Variants in NLRP11 observed in about 807,000 individuals in gnomAD.
NLRP11 encodes the protein NACHT, LRR and PYD domains-containing protein 11.
In NLRP11, 53 loss-of-function variants were observed where a neutral mutation model predicts 79.3. The observed-to-expected ratio is 0.67, with a 90% CI of 0.54 to 0.84. NLRP11 has a LOEUF of 0.84. Among genes scored for constraint, NLRP11 ranks in the 40% least tolerant of loss-of-function variants. The probability of loss-of-function intolerance (pLI) is 0.00; values close to 1 mark genes in which losing one functional copy is unlikely to be tolerated. For missense variants in NLRP11, 1,264 were observed against 1,255.0 expected, an observed-to-expected ratio of 1.01 and a Z score of -0.11; for synonymous variants, 518 against 462.6, an observed-to-expected ratio of 1.12 and a Z score of -1.54.
intron 7 of NLRP11, among the ~76,000 whole-genome samples, chr19:55,790,810 A>T (rs7249986): frequency 2.0e-5 from 3 of 152,130 alleles, no homozygotes; most frequent in African/African-American, 7.2e-5. Flanking sequence ...ATATATAGAG[A>T]GTTAATGATG....
intron 6 of NLRP11, among the ~76,000 whole-genome samples, chr19:55,795,245 G>T (rs749603024): frequency 6.6e-6 from 1 of 152,026 alleles, no homozygotes; most frequent in African/African-American, 2.4e-5. Flanking sequence ...ACCCACAGTC[G>T]GTTACATACA....
intron 1 of NLRP11, among the ~76,000 whole-genome samples, chr19:55,822,420 C>A (rs112978523): frequency 6.6e-6 from 1 of 152,122 alleles, no homozygotes; most frequent in African/African-American, 2.4e-5. Context: ...CCAAGATGGC[C>A]GAATAGGAAC....
chr19:55,807,822 C>T, intron 4 of NLRP11, 31 bp downstream of exon 4: 2 of 1,492,690 alleles, frequency 1.3e-6, no homozygotes, highest in South Asian at 1.2e-5. Context: ...CCTAGGGGAA[C>T]CTCTAAGGCA....
At chr19:55,801,843 G>A in intron 4 of NLRP11, 104 bp from the exon 5 acceptor site, 2 of 899,526 alleles carry the variant, frequency 2.2e-6, no homozygotes, top group South Asian at 3.1e-5. Context: ...GATTCTCAGT[G>A]GATTACATCC....
In NLRP11 at chr19:55,817,903, C is replaced by T. The variant is rs372781070; in HGVS notation, c.271+1G>A. ...CCCACCCTTCTCGTGACCCCACTCACGGTTTCGTCTGCCAATGATCTTCCT... is the reference window on the plus strand; with the variant it reads ...CCCACCCTTCTCGTGACCCCACTCATGGTTTCGTCTGCCAATGATCTTCCT... On this transcript the variant is annotated splice_donor_variant, in intron 2 of 9. Transcript: ENST00000589093. LOFTEE classifies it high-confidence loss of function. The T allele has an allele frequency of 6.2e-6, 10 of 1,601,250 alleles. No homozygotes were observed. The highest frequency in any genetic ancestry group is 4.5e-5 in the East Asian group (2 of 44,510).
At chr19:55,834,188 T>A (rs1390543313), upstream of NLRP11, among the ~76,000 whole-genome samples, 2 of 152,146 alleles carry the variant, frequency 1.3e-5, no homozygotes, top group Non-Finnish European at 2.9e-5. Context: ...GGTTCTTATA[T>A]AACAAAAGCT....
intron 1 of NLRP11, among the ~76,000 whole-genome samples, 200 bp from the exon 2 acceptor site, chr19:55,818,436 C>T (rs1326145074): frequency 1.3e-5 from 2 of 152,164 alleles, no homozygotes; most frequent in African/African-American, 2.4e-5. Flanking sequence ...TAAGGTGGAA[C>T]ATCAGTTGTG....
chr19:55,810,223 G>T (rs145807373), exon 3 of NLRP11: 2 of 1,614,012 alleles, frequency 1.2e-6, no homozygotes, highest in Admixed American at 1.7e-5. Flanking sequence ...GAAGTATGTA[G>T]AACACATCTG....
chr19:55,812,685 G>A (rs559464789), intron 2 of NLRP11, among the ~76,000 whole-genome samples: 1 of 152,076 alleles, frequency 6.6e-6, no homozygotes, highest in African/African-American at 2.4e-5. Context: ...ATGATGTGGA[G>A]GTTCCTCAAA....
intron 1 of NLRP11, among the ~76,000 whole-genome samples, chr19:55,821,743 T>C (rs923410219): frequency 6.8e-6 from 1 of 147,452 alleles, no homozygotes; most frequent in African/African-American, 2.5e-5. Flanking sequence ...TTGTTAGTGA[T>C]GGGAGAACCC....
intron 4 of NLRP11, among the ~76,000 whole-genome samples, chr19:55,802,014 A>G (rs1431535608): frequency 6.6e-6 from 1 of 152,156 alleles, no homozygotes; most frequent in Non-Finnish European, 1.5e-5. Flanking sequence ...CTAAGAATAC[A>G]TCCACATGCA....
At chr19:55,792,594 C>T (rs1978383460) in intron 6 of NLRP11, 123 bp from the exon 7 acceptor site, 5 of 668,966 alleles carry the variant, frequency 7.5e-6, no homozygotes, top group Non-Finnish European at 1.3e-5. Context: ...CAAATCTCTA[C>T]CAATGACTTT....
chr19:55,804,096 GTA>G (rs36090438), intron 4 of NLRP11, among the ~76,000 whole-genome samples: 8 of 148,024 alleles, frequency 5.4e-5, no homozygotes, highest in East Asian at 2.0e-4. Flanking sequence ...AACAAATTAT[GTA>G]TATATATATA....
chr19:55,818,746 A>G (rs1277511159), intron 1 of NLRP11, among the ~76,000 whole-genome samples: 1 of 152,206 alleles, frequency 6.6e-6, no homozygotes, highest in African/African-American at 2.4e-5. Flanking sequence ...TATAATAAGC[A>G]AACAGGCTGT....
At chr19:55,789,470 C>T (rs1437582604) in intron 7 of NLRP11, 71 bp from the exon 8 acceptor site, 5 of 1,387,028 alleles carry the variant, frequency 3.6e-6, no homozygotes, top group East Asian at 4.6e-5. Flanking sequence ...GAGTGTTAAG[C>T]ATTCTTGGAC....
At chr19:55,812,435 A>G (rs1980693033) in intron 2 of NLRP11, among the ~76,000 whole-genome samples, 1 of 152,216 alleles carries the variant, frequency 6.6e-6, no homozygotes, top group African/African-American at 2.4e-5. Context: ...ACTGTGATAC[A>G]ATATCAAAGG....
At chr19:55,808,589 T>C (rs1331697017) in intron 3 of NLRP11, among the ~76,000 whole-genome samples, 180 bp downstream of exon 3, 3 of 152,198 alleles carry the variant, frequency 2.0e-5, no homozygotes, top group Admixed American at 6.5e-5. Context: ...TGCTGAGGTT[T>C]AACTCAAACT....
chr19:55,785,744 G>A (rs766748570), exon 10 of NLRP11: 1 of 1,614,142 alleles, frequency 6.2e-7, no homozygotes, highest in Non-Finnish European at 8.5e-7. Flanking sequence ...TGAGAAGCAG[G>A]TGTCACACCA....
chr19:55,829,114 T>G (rs1278814824), intron 1 of NLRP11, among the ~76,000 whole-genome samples: 1 of 152,018 alleles, frequency 6.6e-6, no homozygotes, highest in African/African-American at 2.4e-5. Context: ...GGGTATGAAA[T>G]GTTGGTGTAA....
Sources: gnomAD v4.1 joint callset for allele counts (sites outside exome capture counted in the v4.1 genomes callset) on GRCh38, gnomAD v4.1.1 for gene constraint, MANE v1.5 for transcripts, NCBI Gene and HGNC (gene_info 2026-07-23, HGNC 2026-07-21) for gene names.